Variants in BMPER observed in about 807,000 individuals in gnomAD.
BMPER encodes BMP-binding endothelial regulator protein.
A neutral mutation model predicts 87.3 loss-of-function variants in BMPER; 45 were observed. That is an observed-to-expected ratio of 0.52 (90% CI 0.41 to 0.66). The LOEUF (loss-of-function observed/expected upper bound fraction) is 0.66, where lower values mean the gene tolerates loss of function less well. Among genes scored for constraint, BMPER ranks in the 30% least tolerant of loss-of-function variants. The pLI, the probability that BMPER is intolerant of heterozygous loss-of-function variation, is 0.00. For synonymous variants in BMPER, 326 were observed against 316.2 expected (o/e 1.03, Z -0.33); for missense variants, 784 against 867.5 (o/e 0.90, Z 1.21).
At chr7:33,978,905 G>C (rs898625271) in intron 6 of BMPER, among the ~76,000 whole-genome samples, 10 of 152,118 alleles carry the variant, frequency 6.6e-5, no homozygotes, top group African/African-American at 2.4e-4. Flanking sequence ...GTGAAAAGCA[G>C]AATGGTTGTA....
chr7:34,084,226 G>A (rs994372023), intron 12 of BMPER, among the ~76,000 whole-genome samples: 2 of 152,126 alleles, frequency 1.3e-5, no homozygotes, highest in African/African-American at 2.4e-5. Flanking sequence ...GCTTGAACCC[G>A]GGAGGTGGAG....
At chr7:33,974,869 C>A in intron 6 of BMPER, 85 bp downstream of exon 6, 3 of 1,323,910 alleles carry the variant, frequency 2.3e-6, no homozygotes, top group Non-Finnish European at 3.3e-6. Context: ...GTCTCTACAG[C>A]CTCTCTCTCG....
At chr7:33,984,188 C>A (rs1785936452) in intron 6 of BMPER, among the ~76,000 whole-genome samples, 1 of 152,142 alleles carries the variant, frequency 6.6e-6, no homozygotes. Flanking sequence ...GTTTATCCAG[C>A]CAGGTGTAGT....
At chr7:33,963,310 G>T (rs1785317206) in intron 3 of BMPER, among the ~76,000 whole-genome samples, 2 of 152,236 alleles carry the variant, frequency 1.3e-5, no homozygotes, top group East Asian at 3.9e-4. Flanking sequence ...CATGGTGCTG[G>T]TCTACAATAA....
intron 6 of BMPER, among the ~76,000 whole-genome samples, chr7:34,031,927 T>TAC (rs59791505): frequency 0.12 from 6,466 of 54,346 alleles, 806 homozygotes; most frequent in South Asian, 0.18. Flanking sequence ...TATATATATA[T>TAC]ACACACACAC....
chr7:34,029,667 G>A (rs1562698438), intron 6 of BMPER, among the ~76,000 whole-genome samples: 1 of 151,956 alleles, frequency 6.6e-6, no homozygotes, highest in South Asian at 2.1e-4. Flanking sequence ...ATTCTATAAG[G>A]GATCTATTTG....
At position 34,133,033 on chromosome 7, in the gene BMPER, C is replaced by A. The variant is rs1468676558; in HGVS notation, c.1746-10197C>A. Among the ~76,000 whole-genome samples, 6 of 152,180 alleles carry A rather than the reference C, an allele frequency of 3.9e-5. No homozygotes were observed. The East Asian group carries it at 9.7e-4, about 25-fold the overall frequency. On this transcript the variant is annotated intron_variant, in intron 13 of 14. Coordinates refer to ENST00000649409, the MANE Select transcript of BMPER (RefSeq NM_001365308.1). ...AGTTCCTGATACAGAGCTCCTAAGACCTTTGCAATTAATTTCCTGAATGGT... is the reference window on the plus strand; with the variant it reads ...AGTTCCTGATACAGAGCTCCTAAGAACTTTGCAATTAATTTCCTGAATGGT...
intron 13 of BMPER, among the ~76,000 whole-genome samples, chr7:34,098,312 A>C (rs760804413): frequency 6.6e-6 from 1 of 152,130 alleles, no homozygotes; most frequent in African/African-American, 2.4e-5. Flanking sequence ...CTCTCCCACC[A>C]TGCACAGGAG....
chr7:34,116,849 G>A (rs540110362), intron 13 of BMPER, among the ~76,000 whole-genome samples: 14 of 152,250 alleles, frequency 9.2e-5, no homozygotes, highest in Non-Finnish European at 1.9e-4. Flanking sequence ...AATGAGCCGG[G>A]TGTGGTGGTG....
intron 14 of BMPER, among the ~76,000 whole-genome samples, chr7:34,152,325 T>G (rs1442226035): frequency 1.3e-5 from 2 of 152,194 alleles, no homozygotes; most frequent in Admixed American, 1.3e-4. Context: ...TGTCACTGGA[T>G]GTAACTCAGA....
chr7:34,078,765 A>G, intron 11 of BMPER, 92 bp from the exon 12 acceptor site: 1 of 1,349,358 alleles, frequency 7.4e-7, no homozygotes, highest in Non-Finnish European at 1.1e-6. Flanking sequence ...CATTTCTGCT[A>G]AGGCTTCCCC....
intron 2 of BMPER, among the ~76,000 whole-genome samples, chr7:33,914,755 G>A (rs1784048999): frequency 6.6e-6 from 1 of 152,184 alleles, no homozygotes; most frequent in Non-Finnish European, 1.5e-5. Context: ...GTATCTAAGA[G>A]AAGGATAGAA....
In BMPER at chr7:34,037,290, G is replaced by A. The variant is rs561796397; in HGVS notation, c.577-9016G>A. On this transcript the variant is annotated intron_variant, in intron 6 of 14. Transcript: ENST00000649409. ...TTTAATAATCTAATATTTGCTTTAT[G>A]AAATTATGATCTTTGGCTCTGCCGC... 4.6e-5 allele frequency among the ~76,000 whole-genome samples: 7 copies of A among 152,250 alleles called. No individual in the cohort carries two copies. In the South Asian group the frequency reaches 6.2e-4, roughly 14 times the overall value.
upstream of BMPER, among the ~76,000 whole-genome samples, chr7:33,905,300 TG>T (rs557229030): frequency 1.4e-3 from 209 of 147,378 alleles, 4 homozygotes; most frequent in South Asian, 0.041. Context: ...CCCTTCCTCC[TG>T]GCCCCCTCTC....
At chr7:33,916,220 T>C (rs1784084472) in intron 2 of BMPER, among the ~76,000 whole-genome samples, 1 of 152,166 alleles carries the variant, frequency 6.6e-6, no homozygotes, top group South Asian at 2.1e-4. Flanking sequence ...CTGGTACTGT[T>C]TGGGGCTTAG....
chr7:34,015,571 T>A (rs1787000175), intron 6 of BMPER, among the ~76,000 whole-genome samples: 1 of 151,728 alleles, frequency 6.6e-6, no homozygotes, highest in Non-Finnish European at 1.5e-5. Flanking sequence ...TTTCTATTGG[T>A]GAGATGAAAA....
At chr7:34,139,972 A>G (rs982476236) in intron 13 of BMPER, among the ~76,000 whole-genome samples, 22 of 152,196 alleles carry the variant, frequency 1.4e-4, no homozygotes, top group African/African-American at 2.2e-4. Flanking sequence ...TCAGAGAGTA[A>G]GAACCTTTCT....
chr7:33,970,888 T>C (rs776104873), intron 5 of BMPER, among the ~76,000 whole-genome samples: 7 of 150,170 alleles, frequency 4.7e-5, no homozygotes, highest in Non-Finnish European at 5.9e-5. Flanking sequence ...TGGACCCTCT[T>C]GTCTTTTTTA....
chr7:34,155,874 A>G lies in BMPER; in HGVS notation c.*2601A>G, dbSNP rs1347751268. On this transcript the variant is annotated 3_prime_UTR_variant, in exon 15 of 15. Coordinates refer to ENST00000649409, the MANE Select transcript of BMPER (RefSeq NM_001365308.1). The stretch of plus-strand genomic sequence containing the variant: ...AATAAAAATGTTCTATGAATATTGA[A>G]TTTGATGAGAAACAAGCACCCTCAA... 6.6e-6 allele frequency: 1 copy of G among 152,218 alleles called. No homozygotes were observed. Among genetic ancestry groups the G allele is most frequent in the Non-Finnish European group, 1.5e-5 (1 of 68,042 alleles). The allele number at this position is 152,218 out of a possible 1,614,324, so 9.4% of individuals were successfully genotyped here. A position where few individuals can be genotyped will look rare whatever the true frequency, so the allele number is the denominator to read the frequency against.
Sources: allele counts gnomAD v4.1 joint callset (sites outside exome capture counted in the v4.1 genomes callset), GRCh38; gene constraint gnomAD v4.1.1; transcripts MANE v1.5; gene names NCBI Gene and HGNC (gene_info 2026-07-23, HGNC 2026-07-21).